Variants in SLAIN2 observed in about 807,000 individuals in gnomAD.
SLAIN2 encodes the protein SLAIN family member 2, also known as SLAIN motif-containing protein 2.
In SLAIN2, 31 loss-of-function variants were observed where a neutral mutation model predicts 56.6. The observed-to-expected ratio is 0.55, with a 90% CI of 0.41 to 0.74. The LOEUF (loss-of-function observed/expected upper bound fraction) is 0.74, where lower values mean the gene tolerates loss of function less well. SLAIN2 is among the 30% of genes least tolerant of loss of function. SLAIN2 has a pLI of 0.00. For missense variants in SLAIN2, 777 were observed against 754.2 expected, an observed-to-expected ratio of 1.03 and a Z score of -0.35; for synonymous variants, 317 against 284.9, an observed-to-expected ratio of 1.11 and a Z score of -1.13.
chr4:48,369,776 T>C, intron 1 of SLAIN2, 73 bp from the exon 2 acceptor site: 1 of 1,424,828 alleles, frequency 7.0e-7, no homozygotes, highest in Non-Finnish European at 9.6e-7. Flanking sequence ...TTTAAATCGA[T>C]CCAAAAGGAT....
chr4:48,369,757 TCTCCCCTATTTAAATCGATCCAAAA>T, intron 1 of SLAIN2, 67 bp from the exon 2 acceptor site: 1 of 1,158,302 alleles, frequency 8.6e-7, no homozygotes, highest in Non-Finnish European at 1.2e-6. Context: ...TTTACTCCCT[TCTCCCCTATTTAAATCGATCCAAAA>T]GGATCCCTGT....
chr4:48,394,609 C>G (rs1168337876), intron 6 of SLAIN2: 110 of 1,535,940 alleles, frequency 7.2e-5, no homozygotes, highest in Non-Finnish European at 9.2e-5. Context: ...CCTCGCACTT[C>G]CCTCAAAGCC....
At chr4:48,420,014 G>C in intron 6 of SLAIN2, 111 bp from the exon 7 acceptor site, 1 of 1,087,046 alleles carries the variant, frequency 9.2e-7, no homozygotes, top group South Asian at 1.6e-5. Flanking sequence ...TTGCTGTGAA[G>C]TTTCCTGAAT....
intron 1 of SLAIN2, among the ~76,000 whole-genome samples, chr4:48,362,125 A>T (rs1425151712): frequency 6.6e-6 from 1 of 150,544 alleles, no homozygotes; most frequent in Non-Finnish European, 1.5e-5. Context: ...CTTTCTTTTC[A>T]ATCAGGATGC....
chr4:48,354,804 A>G (rs1715114223), intron 1 of SLAIN2, among the ~76,000 whole-genome samples: 1 of 152,196 alleles, frequency 6.6e-6, no homozygotes, highest in African/African-American at 2.4e-5. Flanking sequence ...TGAAATGATT[A>G]TGAATTAAAA....
At chr4:48,349,800 C>A (rs1714963988) in intron 1 of SLAIN2, among the ~76,000 whole-genome samples, 1 of 152,152 alleles carries the variant, frequency 6.6e-6, no homozygotes, top group African/African-American at 2.4e-5. Flanking sequence ...CAGATGGATA[C>A]ATTTTGGCTT....
At chr4:48,407,656 A>G (rs1193213760) in intron 6 of SLAIN2, among the ~76,000 whole-genome samples, 1 of 152,232 alleles carries the variant, frequency 6.6e-6, no homozygotes, top group African/African-American at 2.4e-5. Flanking sequence ...GGAAGTGTTC[A>G]GAAACATGGC....
chr4:48,388,147 T>C lies in SLAIN2; in HGVS notation c.1360+4363T>C, dbSNP rs550280303. ...TTTGCTGTGGCTGCATTATTGTGGA[T>C]GCTGGCATTGAAATATGAGATTTAT... On this transcript the variant is annotated intron_variant, in intron 6 of 7. Coordinates refer to ENST00000264313, the MANE Select transcript of SLAIN2 (RefSeq NM_020846.2). Among the ~76,000 whole-genome samples, 36 of 152,320 alleles carry C rather than the reference T, an allele frequency of 2.4e-4. 1 individual carries two copies. In the South Asian group the frequency reaches 7.0e-3, roughly 30 times the overall value.
Position 48,394,699 on chromosome 4 carries a change from A to G in SLAIN2, c.1360+10915A>G, listed in dbSNP as rs1274614784. 20 of 1,491,170 alleles carry G rather than the reference A, an allele frequency of 1.3e-5. No individual in the cohort carries two copies. In the East Asian group the frequency reaches 3.4e-4, roughly 26 times the overall value. 92.4% of individuals were successfully genotyped at this position (1,491,170 alleles called of 1,614,324 possible). ...AGTTTAAAATTTCAGCAAATGATCT[A>G]GTTAAATCTTAAGCCATTTGGCATA... On this transcript the variant is annotated intron_variant, in intron 6 of 7. Transcript: ENST00000264313.
intron 1 of SLAIN2, among the ~76,000 whole-genome samples, chr4:48,350,796 T>G (rs1714991400): frequency 1.3e-5 from 2 of 152,152 alleles, no homozygotes; most frequent in Non-Finnish European, 2.9e-5. Context: ...TTTACTTTGA[T>G]CTGGGAAAGG....
chr4:48,400,219 G>T (rs1433163064), intron 6 of SLAIN2, among the ~76,000 whole-genome samples: 1 of 151,792 alleles, frequency 6.6e-6, no homozygotes, highest in African/African-American at 2.4e-5. Flanking sequence ...GTTTCTTCCT[G>T]GTTCAGTCTT....
chr4:48,347,283 G>C (rs1006283490), intron 1 of SLAIN2, among the ~76,000 whole-genome samples: 10 of 152,048 alleles, frequency 6.6e-5, no homozygotes, highest in African/African-American at 2.4e-4. Flanking sequence ...GACCAGGGGT[G>C]GGGGTATAAT....
chr4:48,367,378 A>G (rs2353312), intron 1 of SLAIN2, among the ~76,000 whole-genome samples: 60,100 of 152,030 alleles, frequency 0.4, 12,191 homozygotes, highest in East Asian at 0.51. Flanking sequence ...CCTTTTCATC[A>G]CTATGAATAA....
At chr4:48,412,886 A>C (rs2109785909) in intron 6 of SLAIN2, among the ~76,000 whole-genome samples, 1 of 152,260 alleles carries the variant, frequency 6.6e-6, no homozygotes, top group African/African-American at 2.4e-5. Context: ...CTAGGATAGT[A>C]ACCCCACAAA....
chr4:48,392,926 G>A (rs1716273943), intron 6 of SLAIN2, among the ~76,000 whole-genome samples: 1 of 147,686 alleles, frequency 6.8e-6, no homozygotes, highest in South Asian at 2.2e-4. Flanking sequence ...ACAGTACCTG[G>A]AATAAAGCAG....
Position 48,341,896 on chromosome 4 carries a change from G to T in SLAIN2, c.157G>T (p.Gly53Cys). 6.6e-7 allele frequency: 1 copy of T among 1,512,346 alleles called. No individual in the cohort carries two copies. Among genetic ancestry groups the T allele is most frequent in the Non-Finnish European group, 8.8e-7 (1 of 1,131,484 alleles). The allele number at this position is 1,512,346 out of a possible 1,614,324, so 93.7% of individuals were successfully genotyped here. ...TGGGCCCGGCAGCCCGGTTCGGGCC[G>T]GCGCGTCCATTCCCTCCTCCGGCGC... ...SLGPGSPVRAGASIPSSGAAS... is the reference protein window; with the variant it reads ...SLGPGSPVRACASIPSSGAAS... The change falls in exon 1 of 8, where the codon GGC becomes TGC. Residue 53 changes from glycine (G) to cysteine (C), a missense_variant. Coordinates refer to ENST00000264313, the MANE Select transcript of SLAIN2 (RefSeq NM_020846.2).
rs1398977430 is a variant in SLAIN2 at position 48,422,942 on chromosome 4, C to T, written c.*865C>T. On this transcript the variant is annotated 3_prime_UTR_variant, in exon 8 of 8. Transcript: ENST00000264313. ...TTTACAGAACTAAGAGATCTTGTTTCTATTAGCAGGTTTTCATGATAGGAA... is the reference window on the plus strand; with the variant it reads ...TTTACAGAACTAAGAGATCTTGTTTTTATTAGCAGGTTTTCATGATAGGAA... 1 of 152,116 alleles carries T rather than the reference C, an allele frequency of 6.6e-6. No homozygotes were observed. The highest frequency in any genetic ancestry group is 1.5e-5 in the Non-Finnish European group (1 of 68,002). The allele number at this position is 152,116 out of a possible 1,614,324, so 9.4% of individuals were successfully genotyped here. A position where few individuals can be genotyped will look rare whatever the true frequency, so the allele number is the denominator to read the frequency against.
At chr4:48,376,910 C>T (rs1223231131) in intron 2 of SLAIN2, among the ~76,000 whole-genome samples, 3 of 134,792 alleles carry the variant, frequency 2.2e-5, no homozygotes, top group South Asian at 5.1e-4. Context: ...CGCGCCCGGC[C>T]GACTTTTTTT....
intron 6 of SLAIN2, among the ~76,000 whole-genome samples, chr4:48,405,135 A>G (rs954063309): frequency 3.3e-5 from 5 of 152,240 alleles, no homozygotes; most frequent in Non-Finnish European, 7.3e-5. Flanking sequence ...AAAACACGAA[A>G]TCAGAAAACC....
Sources: gnomAD v4.1 joint callset for allele counts (sites outside exome capture counted in the v4.1 genomes callset) on GRCh38, gnomAD v4.1.1 for gene constraint, MANE v1.5 for transcripts, NCBI Gene and HGNC (gene_info 2026-07-23, HGNC 2026-07-21) for gene names.